The following SEPTIN9 variants were observed in gnomAD, a reference collection of about 807,000 sequenced individuals.
The protein encoded by SEPTIN9 is septin 9.
SEPTIN9 carries 13 observed loss-of-function variants against 56.6 expected under a neutral mutation model. The ratio of observed to expected loss-of-function variants is 0.23; its 90% CI spans 0.15 to 0.37. SEPTIN9 has a LOEUF of 0.37. Among genes scored for constraint, SEPTIN9 ranks in the 10% least tolerant of loss-of-function variants. The pLI is 1.00. For missense variants in SEPTIN9, 650 were observed against 823.1 expected, an observed-to-expected ratio of 0.79 and a Z score of 2.57; for synonymous variants, 332 against 334.1, an observed-to-expected ratio of 0.99 and a Z score of 0.07.
At chr17:77,466,554 T>C in intron 3 of SEPTIN9, 1 of 984,944 alleles carries the variant, frequency 1.0e-6, no homozygotes, top group South Asian at 4.7e-5. Context: ...ACCGTTGGAG[T>C]CCCACAGTAG....
intron 3 of SEPTIN9, among the ~76,000 whole-genome samples, chr17:77,415,647 A>AAAAG (rs2036478100): frequency 6.9e-6 from 1 of 145,670 alleles, no homozygotes; most frequent in Admixed American, 6.7e-5. Context: ...AAAAAAAAGA[A>AAAAG]AAAAAAAGAA....
intron 3 of SEPTIN9, among the ~76,000 whole-genome samples, chr17:77,464,832 AT>A (rs1213076032): frequency 6.6e-6 from 1 of 151,660 alleles, no homozygotes; most frequent in South Asian, 2.1e-4. Flanking sequence ...TGACCTCGTG[AT>A]CCACCCGCCT....
chr17:77,464,740 A>T (rs568069084), intron 3 of SEPTIN9, among the ~76,000 whole-genome samples: 1 of 151,808 alleles, frequency 6.6e-6, no homozygotes, highest in Non-Finnish European at 1.5e-5. Flanking sequence ...AGCTGGGACT[A>T]CAGGTGCCCA....
chr17:77,334,975 T>C (rs976737118), intron 2 of SEPTIN9, among the ~76,000 whole-genome samples: 21 of 152,182 alleles, frequency 1.4e-4, no homozygotes, highest in Non-Finnish European at 1.5e-5. Flanking sequence ...CGTATATACA[T>C]GTAGGCCCTG....
intron 3 of SEPTIN9, among the ~76,000 whole-genome samples, chr17:77,457,973 C>T (rs1424643579): frequency 6.6e-6 from 1 of 152,234 alleles, no homozygotes; most frequent in Non-Finnish European, 1.5e-5. Context: ...ACCCACGCGC[C>T]ACCCTAGCTA....
intron 2 of SEPTIN9, among the ~76,000 whole-genome samples, chr17:77,383,452 C>G (rs1361109020): frequency 6.6e-6 from 1 of 150,422 alleles, no homozygotes; most frequent in African/African-American, 2.5e-5. Flanking sequence ...TCCTCCCAGT[C>G]CGCACCTGCA....
At chr17:77,419,941 T>TG in intron 3 of SEPTIN9, 1 of 152,228 alleles carries the variant, frequency 6.6e-6, no homozygotes, top group East Asian at 1.9e-4. Context: ...GGTCTTCTGG[T>TG]GGGGGGCATG....
rs2040364312 is a variant in SEPTIN9, at chr17:77,498,401, AT to A, written c.1626-121del. The A allele has an allele frequency of 1.0e-5, 7 of 668,284 alleles. No homozygotes were observed. In the South Asian group the frequency reaches 1.2e-4, roughly 12 times the overall value. 41.4% of individuals were successfully genotyped at this position (668,284 alleles called of 1,614,324 possible). On this transcript the variant is annotated intron_variant, in intron 11 of 11. Coordinates refer to ENST00000427177, the MANE Select transcript of SEPTIN9 (RefSeq NM_001113491.2). ...CCCCATGGGGAGCCAAGCAGTCGGG[AT>A]GGGGAGTGGGGGTGGGGGCAGGCGG...
At chr17:77,482,798 C>T in intron 4 of SEPTIN9, 1 of 547,354 alleles carries the variant, frequency 1.8e-6, no homozygotes, top group South Asian at 2.4e-5. Context: ...TCCACACCCC[C>T]TGGTGGCCCC....
In SEPTIN9 at chr17:77,495,788, GC is replaced by G. The variant is rs1228260927; in HGVS notation, c.1574-1526del. Among the ~76,000 whole-genome samples, 6 of 152,320 alleles carry G rather than the reference GC, an allele frequency of 3.9e-5. No individual in the cohort carries two copies. The East Asian group carries it at 1.2e-3, about 29-fold the overall frequency. ...AGGAGGGCCTAGGCAAAGGCAACCG[GC>G]ATAGCACTGAGAGCACTTGAGGGCT... On this transcript the variant is annotated intron_variant, in intron 10 of 11. Transcript: ENST00000427177.
At chr17:77,321,845 G>C (rs2032947530) in intron 2 of SEPTIN9, among the ~76,000 whole-genome samples, 1 of 152,244 alleles carries the variant, frequency 6.6e-6, no homozygotes, top group Admixed American at 6.5e-5. Context: ...TTATCTGTTT[G>C]AGCTCGGGGG....
At chr17:77,392,308 T>G (rs1441234472) in intron 2 of SEPTIN9, among the ~76,000 whole-genome samples, 1 of 152,184 alleles carries the variant, frequency 6.6e-6, no homozygotes, top group Non-Finnish European at 1.5e-5. Context: ...TGAGCAAAGA[T>G]AGTCATCAGA....
At chr17:77,339,412 T>C (rs1272847604) in intron 2 of SEPTIN9, among the ~76,000 whole-genome samples, 1 of 152,224 alleles carries the variant, frequency 6.6e-6, no homozygotes, top group Non-Finnish European at 1.5e-5. Context: ...AACATTCATC[T>C]TTACATACAT....
intron 2 of SEPTIN9, among the ~76,000 whole-genome samples, chr17:77,347,430 C>T (rs2077178270): frequency 6.6e-6 from 1 of 151,184 alleles, no homozygotes; most frequent in East Asian, 1.9e-4. Context: ...GCCCATTTCT[C>T]CCTTTAATTC....
rs559097717 is a variant in SEPTIN9 at position 77,487,270 on chromosome 17, G to A, written c.914-154G>A. Among the ~76,000 whole-genome samples the A allele has an allele frequency of 2.0e-5, 3 of 152,230 alleles. No homozygotes were observed. Among genetic ancestry groups the A allele is most frequent in the South Asian group, 2.1e-4 (1 of 4,814 alleles). ...CACCCGGCTCGAGGGTGAAGTCCTC[G>A]GGGGCTGCTTGGCAGGGATATTGCC... On this transcript the variant is annotated intron_variant, in intron 4 of 11. Transcript: ENST00000427177. This position sits in a 1 kb window ranked among gnomAD's most constrained non-coding sequence, Gnocchi z 4.3.
chr17:77,423,566 G>A (rs529830325), intron 3 of SEPTIN9, among the ~76,000 whole-genome samples: 1 of 152,336 alleles, frequency 6.6e-6, no homozygotes, highest in Non-Finnish European at 1.5e-5. Flanking sequence ...ACGGGAGCTG[G>A]CCCTGGCCAT....
Position 77,326,771 on chromosome 17 carries a change from C to T in SEPTIN9, c.76+19574C>T, listed in dbSNP as rs951060395. Reference sequence around the variant, plus strand: ...GACCAGGTAGAATCACAAGGTTCAGCACCACCCCGCAACCTCCAGGTAGGG... The same window carrying T: ...GACCAGGTAGAATCACAAGGTTCAGTACCACCCCGCAACCTCCAGGTAGGG... On this transcript the variant is annotated intron_variant, in intron 2 of 11. Coordinates refer to ENST00000427177, the MANE Select transcript of SEPTIN9 (RefSeq NM_001113491.2). The surrounding 1 kb of genome is among the most constrained non-coding windows in gnomAD (Gnocchi z 5.1). 2.6e-5 allele frequency among the ~76,000 whole-genome samples: 4 copies of T among 152,204 alleles called. No homozygotes were observed.
In SEPTIN9 at chr17:77,450,954, C is replaced by A; in HGVS notation, c.722-31190C>A. On this transcript the variant is annotated intron_variant, in intron 3 of 11. Transcript: ENST00000427177. This position sits in a 1 kb window ranked among gnomAD's most constrained non-coding sequence, Gnocchi z 6.0. ...GGTGGCTGGCCATGCTCCCTGAGAGCCCAGCTGTGGCGATGTCTGAGCAGG... is the reference window on the plus strand; with the variant it reads ...GGTGGCTGGCCATGCTCCCTGAGAGACCAGCTGTGGCGATGTCTGAGCAGG... 1 of 287,590 alleles carries A rather than the reference C, an allele frequency of 3.5e-6. No individual in the cohort carries two copies. Among genetic ancestry groups the A allele is most frequent in the Non-Finnish European group, 5.2e-6 (1 of 191,788 alleles). 17.8% of individuals were successfully genotyped at this position (287,590 alleles called of 1,614,324 possible).
At chr17:77,408,825 C>T (rs549224050) in intron 3 of SEPTIN9, among the ~76,000 whole-genome samples, 7 of 152,228 alleles carry the variant, frequency 4.6e-5, no homozygotes, top group East Asian at 1.9e-4. Context: ...CTTCTGGCCC[C>T]GTGTTTACAG....
Sources: allele counts gnomAD v4.1 joint callset (sites outside exome capture counted in the v4.1 genomes callset), GRCh38; gene constraint gnomAD v4.1.1; non-coding constraint Gnocchi (gnomAD v3.1); transcripts MANE v1.5; gene names NCBI Gene and HGNC (gene_info 2026-07-23, HGNC 2026-07-21).